Variants in NFIB observed in about 807,000 individuals in gnomAD.
NFIB encodes the protein nuclear factor 1 B-type.
A neutral mutation model predicts 61.5 loss-of-function variants in NFIB; 11 were observed. That is an observed-to-expected ratio of 0.18 (90% CI 0.11 to 0.30). NFIB has a LOEUF of 0.30. Among genes scored for constraint, NFIB ranks in the 10% least tolerant of loss-of-function variants. The pLI is 1.00. For synonymous variants in NFIB, 260 were observed against 216.5 expected, an observed-to-expected ratio of 1.20 and a Z score of -1.76; for missense variants, 471 against 608.9, an observed-to-expected ratio of 0.77 and a Z score of 2.38.
upstream of NFIB, among the ~76,000 whole-genome samples, chr9:14,402,629 A>G (rs1007889473): frequency 6.6e-6 from 1 of 152,168 alleles, no homozygotes; most frequent in South Asian, 2.1e-4. Flanking sequence ...AATATTTATA[A>G]CTCATTTCAA....
intron 10 of NFIB, among the ~76,000 whole-genome samples, chr9:14,089,949 G>T (rs1215207624): frequency 6.6e-6 from 1 of 152,088 alleles, no homozygotes; most frequent in Non-Finnish European, 1.5e-5. Context: ...TTGTGCTCAA[G>T]GGATTTTATA....
intron 3 of NFIB, among the ~76,000 whole-genome samples, chr9:14,167,089 G>A (rs972894177): frequency 1.3e-5 from 2 of 149,544 alleles, no homozygotes; most frequent in South Asian, 4.3e-4. Flanking sequence ...GTGTCGGGGG[G>A]GGGGGGTTCC....
chr9:14,468,689 C>G, the NFIB span, among the ~76,000 whole-genome samples: 1 of 152,172 alleles, frequency 6.6e-6, no homozygotes, highest in African/African-American at 2.4e-5. Flanking sequence ...GGTGGAGATA[C>G]AGTGGATGTA....
In NFIB at chr9:14,277,417, G is replaced by C. The variant is rs2058077077; in HGVS notation, c.562+29572C>G. Among the ~76,000 whole-genome samples the C allele has an allele frequency of 5.3e-5, 8 of 152,088 alleles. No individual in the cohort carries two copies. The South Asian group carries it at 1.7e-3, about 32-fold the overall frequency. On this transcript the variant is annotated intron_variant, in intron 2 of 10. Transcript: ENST00000380953. Reference sequence around the variant, plus strand: ...GGAAGAATCTCCAGAAGTGTGCCGAGGCATGTTTTTGGTGTTTTGCCAAAT... The same window carrying C: ...GGAAGAATCTCCAGAAGTGTGCCGACGCATGTTTTTGGTGTTTTGCCAAAT...
intron 10 of NFIB, among the ~76,000 whole-genome samples, chr9:14,104,461 T>C (rs2036252661): frequency 6.6e-6 from 1 of 152,036 alleles, no homozygotes. Context: ...GTTTTAAAAG[T>C]ACAATGAAAA....
chr9:14,343,327 G>A (rs538391405), intron 1 of NFIB, among the ~76,000 whole-genome samples: 2 of 152,274 alleles, frequency 1.3e-5, no homozygotes, highest in South Asian at 4.1e-4. Flanking sequence ...CTAAGAGGAG[G>A]TGGAAATGGG....
chr9:14,231,362 G>A (rs10961437), intron 2 of NFIB, among the ~76,000 whole-genome samples: 16,205 of 151,406 alleles, frequency 0.11, 1,026 homozygotes, highest in South Asian at 0.17. Context: ...CCTGTCAGAG[G>A]GCTGACTGTA....
chr9:14,198,919 A>G (rs1352706396), intron 2 of NFIB, among the ~76,000 whole-genome samples: 1 of 152,190 alleles, frequency 6.6e-6, no homozygotes, highest in Non-Finnish European at 1.5e-5. Flanking sequence ...TTGGCCAAAA[A>G]TCACATGTGT....
chr9:14,105,336 A>G (rs1426122688), intron 10 of NFIB, among the ~76,000 whole-genome samples: 1 of 152,352 alleles, frequency 6.6e-6, no homozygotes, highest in African/African-American at 2.4e-5. Context: ...CAATAATTTA[A>G]TGCCAAATAA....
the NFIB span, among the ~76,000 whole-genome samples, chr9:14,461,638 G>A: frequency 2.6e-5 from 4 of 152,080 alleles, no homozygotes; most frequent in Admixed American, 2.0e-4. Context: ...TTCCAGCGTC[G>A]GCACCCCATT....
At chr9:14,300,833 T>C (rs761471819) in intron 2 of NFIB, among the ~76,000 whole-genome samples, 1 of 152,222 alleles carries the variant, frequency 6.6e-6, no homozygotes, top group Non-Finnish European at 1.5e-5. Context: ...CGGTTTTATA[T>C]AGCCTACCAG....
intron 9 of NFIB, among the ~76,000 whole-genome samples, chr9:14,113,971 A>G (rs1405223863): frequency 1.3e-5 from 2 of 152,184 alleles, no homozygotes; most frequent in Middle Eastern, 3.2e-3. Context: ...GGACTGAGGT[A>G]TCTTCCCAGA....
At chr9:14,167,326 T>G (rs1048851887) in intron 3 of NFIB, among the ~76,000 whole-genome samples, 1 of 152,136 alleles carries the variant, frequency 6.6e-6, no homozygotes, top group African/African-American at 2.4e-5. Context: ...GTGGATCACT[T>G]GAGTCCAGGA....
At chr9:14,414,547 A>T in the NFIB span, among the ~76,000 whole-genome samples, 10 of 132,086 alleles carry the variant, frequency 7.6e-5, no homozygotes, top group African/African-American at 2.9e-4. Context: ...TTGTTTAGTG[A>T]CCGTAAGTAG....
chr9:14,262,794 G>A (rs918701684), intron 2 of NFIB, among the ~76,000 whole-genome samples: 2 of 151,488 alleles, frequency 1.3e-5, no homozygotes, highest in Non-Finnish European at 2.9e-5. Flanking sequence ...TTGTTTGTTT[G>A]TTTTTTGTTG....
chr9:14,432,785 TA>T, the NFIB span, among the ~76,000 whole-genome samples: 2 of 152,198 alleles, frequency 1.3e-5, no homozygotes, highest in Admixed American at 6.5e-5. Context: ...AAAGAGGACA[TA>T]AGCACATTTT....
intron 1 of NFIB, among the ~76,000 whole-genome samples, chr9:14,341,597 A>C (rs542421924): frequency 3.7e-4 from 56 of 152,312 alleles, no homozygotes; most frequent in African/African-American, 1.3e-3. Context: ...AGGCTCCGAT[A>C]AAACAGGAAA....
chr9:14,125,413 C>T (rs773172259), intron 7 of NFIB, among the ~76,000 whole-genome samples: 2 of 152,204 alleles, frequency 1.3e-5, no homozygotes, highest in Non-Finnish European at 2.9e-5. Context: ...GCCTCAGCCT[C>T]CCAAAGTGCT....
At chr9:14,291,910 C>T (rs1380200749) in intron 2 of NFIB, among the ~76,000 whole-genome samples, 1 of 152,002 alleles carries the variant, frequency 6.6e-6, no homozygotes. Flanking sequence ...CAACCAGCAT[C>T]AAATTTTGGT....
Sources: gnomAD v4.1 joint callset for allele counts (sites outside exome capture counted in the v4.1 genomes callset) on GRCh38, gnomAD v4.1.1 for gene constraint, MANE v1.5 for transcripts, NCBI Gene and HGNC (gene_info 2026-07-23, HGNC 2026-07-21) for gene names.